Variants in PCCA observed in about 807,000 individuals in gnomAD.
PCCA encodes the protein propionyl-CoA carboxylase alpha chain, mitochondrial.
PCCA carries 74 observed loss-of-function variants against 101.3 expected under a neutral mutation model. The observed-to-expected ratio is 0.73, with a 90% CI of 0.61 to 0.89. The LOEUF (loss-of-function observed/expected upper bound fraction) is 0.89. Ranked by LOEUF, PCCA falls within the 40% of genes least tolerant of loss-of-function variation. PCCA has a pLI of 0.00. For synonymous variants in PCCA, 294 were observed against 313.6 expected (o/e 0.94, Z 0.66); for missense variants, 891 against 907.0 (o/e 0.98, Z 0.23).
At chr13:100,437,049 G>A (rs2079986334) in intron 20 of PCCA, among the ~76,000 whole-genome samples, 1 of 152,142 alleles carries the variant, frequency 6.6e-6, no homozygotes, top group African/African-American at 2.4e-5. Context: ...GCTGTTTTAG[G>A]CCCACAGTAT....
intron 19 of PCCA, among the ~76,000 whole-genome samples, chr13:100,374,532 G>A (rs2075780725): frequency 6.6e-6 from 1 of 152,030 alleles, no homozygotes; most frequent in Non-Finnish European, 1.5e-5. Flanking sequence ...GAGAAAATAA[G>A]TTTATGATGA....
chr13:100,500,040 G>C (rs1404974176), intron 21 of PCCA, among the ~76,000 whole-genome samples: 1 of 152,178 alleles, frequency 6.6e-6, no homozygotes, highest in African/African-American at 2.4e-5. Flanking sequence ...TTCTACCTCT[G>C]AATCTAATTG....
chr13:100,127,181 T>G (rs2050036123), intron 4 of PCCA, among the ~76,000 whole-genome samples: 1 of 152,228 alleles, frequency 6.6e-6, no homozygotes, highest in Non-Finnish European at 1.5e-5. Flanking sequence ...TATCTTCATG[T>G]ATGACTTATT....
intron 18 of PCCA, among the ~76,000 whole-genome samples, chr13:100,367,561 G>A (rs535417846): frequency 8.6e-5 from 13 of 150,474 alleles, no homozygotes; most frequent in Non-Finnish European, 1.6e-4. Context: ...TAATAAGTGG[G>A]TATCTGAGTA....
chr13:100,125,990 G>C (rs1277615011), intron 4 of PCCA, among the ~76,000 whole-genome samples: 1 of 152,130 alleles, frequency 6.6e-6, no homozygotes, highest in Non-Finnish European at 1.5e-5. Context: ...GTTAGTGGTG[G>C]GGATGATGGG....
chr13:100,376,404 G>A (rs2075904817), intron 19 of PCCA, among the ~76,000 whole-genome samples: 1 of 152,228 alleles, frequency 6.6e-6, no homozygotes, highest in South Asian at 2.1e-4. Context: ...GCTCTCTTCA[G>A]AGCCAGCAGG....
chr13:100,320,664 A>G (rs950380773), intron 16 of PCCA, among the ~76,000 whole-genome samples: 1 of 152,152 alleles, frequency 6.6e-6, no homozygotes, highest in Admixed American at 6.5e-5. Context: ...CTTGCATCCC[A>G]GGGATGAAGC....
intron 18 of PCCA, among the ~76,000 whole-genome samples, chr13:100,352,196 C>T (rs2073348387): frequency 1.3e-5 from 2 of 151,970 alleles, no homozygotes; most frequent in African/African-American, 4.8e-5. Context: ...ATGCAGATGG[C>T]TTAAGCCTAT....
In PCCA at chr13:100,456,420, C is replaced by T. The variant is rs1022551653; in HGVS notation, c.1899+7115C>T. Reference sequence around the variant, plus strand: ...CGGGTGTTCTCCCGGTGTGCGGAGACGAGAGATTGTAATAAATAAAGACAC... The same window carrying T: ...CGGGTGTTCTCCCGGTGTGCGGAGATGAGAGATTGTAATAAATAAAGACAC... On this transcript the variant is annotated intron_variant, in intron 21 of 23. Coordinates refer to ENST00000376285, the MANE Select transcript of PCCA (RefSeq NM_000282.4). Among the ~76,000 whole-genome samples, 12 of 152,138 alleles carry T rather than the reference C, an allele frequency of 7.9e-5. No individual in the cohort carries two copies. The South Asian group carries it at 8.3e-4, about 11-fold the overall frequency.
chr13:100,520,909 A>G (rs909018698), intron 22 of PCCA, among the ~76,000 whole-genome samples: 2 of 152,122 alleles, frequency 1.3e-5, no homozygotes, highest in Non-Finnish European at 2.9e-5. Context: ...TTTGTTTTCA[A>G]CATTTTTATA....
rs200100563 is a variant in PCCA at position 100,268,619 on chromosome 13, G to A, written c.820-70G>A. The A allele has an allele frequency of 8.5e-4, 923 of 1,080,904 alleles. 2 individuals are homozygous for A. The highest frequency in any genetic ancestry group is 9.5e-4 in the Non-Finnish European group (659 of 693,320). 67.0% of individuals were successfully genotyped at this position (1,080,904 alleles called of 1,614,324 possible). A position where few individuals can be genotyped will look rare whatever the true frequency, so the allele number is the denominator to read the frequency against. ...TTAAAAACCAAGAGATGTTGCATGC[G>A]GAAAATATTAACCATCATCTACTTT... is the stretch of plus-strand genomic sequence containing the variant. On this transcript the variant is annotated intron_variant, in intron 10 of 23. Coordinates refer to ENST00000376285, the MANE Select transcript of PCCA (RefSeq NM_000282.4).
intron 19 of PCCA, among the ~76,000 whole-genome samples, chr13:100,420,371 G>A (rs376951008): frequency 1.3e-5 from 2 of 152,012 alleles, no homozygotes; most frequent in East Asian, 1.9e-4. Context: ...CCAGGAATTC[G>A]GGACCAGCCC....
intron 8 of PCCA, among the ~76,000 whole-genome samples, chr13:100,256,923 A>G (rs1240707735): frequency 1.3e-5 from 2 of 152,220 alleles, no homozygotes; most frequent in Non-Finnish European, 2.9e-5. Flanking sequence ...AACTGATGAC[A>G]ATTTTATGAG....
intron 16 of PCCA, among the ~76,000 whole-genome samples, chr13:100,328,983 C>T (rs549541621): frequency 1.1e-4 from 16 of 148,310 alleles, no homozygotes; most frequent in South Asian, 4.3e-4. Flanking sequence ...TGAGCCACCG[C>T]GCCTGGACTT....
intron 8 of PCCA, among the ~76,000 whole-genome samples, chr13:100,242,556 A>G (rs1284443724): frequency 1.3e-5 from 2 of 152,234 alleles, no homozygotes; most frequent in Non-Finnish European, 2.9e-5. Flanking sequence ...TTATGGATAT[A>G]TAATGACCAT....
At chr13:100,341,979 A>ATATGTATATATATATG (rs1555426220) in intron 18 of PCCA, among the ~76,000 whole-genome samples, 1 of 114,530 alleles carries the variant, frequency 8.7e-6, no homozygotes, top group Admixed American at 8.8e-5. Flanking sequence ...ATATATATAT[A>ATATGTATATATATATG]TATGTATTTA....
rs2071932671 is a variant in PCCA at position 100,344,748 on chromosome 13, C to T, written c.1643+4489C>T. On this transcript the variant is annotated intron_variant, in intron 18 of 23. Coordinates refer to ENST00000376285, the MANE Select transcript of PCCA (RefSeq NM_000282.4). ...CATTGTCCTTTGCTTTATTGCACTT[C>T]TCAGATATTGCATTTTTTACGGATT... Among the ~76,000 whole-genome samples the T allele has an allele frequency of 2.6e-5, 4 of 152,212 alleles. No individual in the cohort carries two copies. The South Asian group carries it at 8.3e-4, about 32-fold the overall frequency.
intron 7 of PCCA, among the ~76,000 whole-genome samples, chr13:100,235,149 A>G (rs1345329093): frequency 6.6e-6 from 1 of 152,076 alleles, no homozygotes; most frequent in African/African-American, 2.4e-5. Flanking sequence ...TTTACCCCTT[A>G]CTGTTTAGGA....
At chr13:100,333,807 A>G (rs2070011513) in intron 17 of PCCA, among the ~76,000 whole-genome samples, 2 of 152,354 alleles carry the variant, frequency 1.3e-5, no homozygotes, top group African/African-American at 4.8e-5. Context: ...CACAAAAAGT[A>G]TATAATTAAT....
Sources: allele counts gnomAD v4.1 joint callset (sites outside exome capture counted in the v4.1 genomes callset), GRCh38; gene constraint gnomAD v4.1.1; transcripts MANE v1.5; gene names NCBI Gene and HGNC (gene_info 2026-07-23, HGNC 2026-07-21).